VIPR2: variants seen among roughly 807,000 people sequenced by gnomAD.
The protein encoded by VIPR2 is vasoactive intestinal polypeptide receptor 2.
VIPR2 carries 48 observed loss-of-function variants against 58.0 expected under a neutral mutation model. The ratio of observed to expected loss-of-function variants is 0.83; its 90% CI spans 0.66 to 1.05. The LOEUF is 1.05. Ranked by LOEUF, VIPR2 falls within the 50% of genes least tolerant of loss-of-function variation. VIPR2 has a pLI of 0.00. For missense variants in VIPR2, 534 were observed against 558.0 expected, an observed-to-expected ratio of 0.96 and a Z score of 0.43; for synonymous variants, 243 against 235.2, an observed-to-expected ratio of 1.03 and a Z score of -0.30.
At chr7:159,123,087 G>A (rs1364834927) in intron 2 of VIPR2, among the ~76,000 whole-genome samples, 1 of 152,066 alleles carries the variant, frequency 6.6e-6, no homozygotes, top group Non-Finnish European at 1.5e-5. Context: ...GAGGTCAAGA[G>A]ATTGAGACCA....
intron 4 of VIPR2, among the ~76,000 whole-genome samples, chr7:159,063,106 G>C (rs536073454): frequency 6.6e-6 from 1 of 152,226 alleles, no homozygotes; most frequent in Non-Finnish European, 1.5e-5. Context: ...GCACCGGGCC[G>C]CAGGCGGAGC....
chr7:159,092,632 G>A (rs1015245504), intron 4 of VIPR2, among the ~76,000 whole-genome samples: 5 of 149,482 alleles, frequency 3.3e-5, no homozygotes, highest in Non-Finnish European at 7.4e-5. Flanking sequence ...TTGGCAGGAG[G>A]CTGTTTTCTT....
intron 3 of VIPR2, among the ~76,000 whole-genome samples, chr7:159,104,618 C>A (rs1858531413): frequency 6.7e-6 from 1 of 149,768 alleles, no homozygotes; most frequent in South Asian, 2.1e-4. Context: ...CAGTTCCTGG[C>A]AGCACTCTCC....
intron 2 of VIPR2, among the ~76,000 whole-genome samples, chr7:159,110,142 T>G (rs1181850867): frequency 6.6e-6 from 1 of 152,234 alleles, no homozygotes; most frequent in Admixed American, 6.5e-5. Flanking sequence ...ATGTATACCA[T>G]GTACCTTCTG....
intron 4 of VIPR2, among the ~76,000 whole-genome samples, chr7:159,061,148 G>A (rs1308710614): frequency 6.6e-6 from 1 of 152,030 alleles, no homozygotes; most frequent in African/African-American, 2.4e-5. Context: ...CAAATACCAC[G>A]TGTTCTCGTA....
At chr7:159,084,084 C>G (rs568341068) in intron 4 of VIPR2, among the ~76,000 whole-genome samples, 7 of 152,380 alleles carry the variant, frequency 4.6e-5, no homozygotes, top group Non-Finnish European at 1.0e-4. Flanking sequence ...TAATGATGAA[C>G]GTCTTAACCA....
chr7:159,063,144 C>A (rs1254642777), intron 4 of VIPR2, among the ~76,000 whole-genome samples: 2 of 152,208 alleles, frequency 1.3e-5, no homozygotes, highest in Admixed American at 6.5e-5. Context: ...TGCGTGCCCG[C>A]AGCCCTTGGG....
At position 159,093,771 on chromosome 7, in the gene VIPR2, C is replaced by T. The variant is rs996855421; in HGVS notation, c.357+9986G>A. Among the ~76,000 whole-genome samples, 8 of 140,810 alleles carry T rather than the reference C, an allele frequency of 5.7e-5. No individual in the cohort carries two copies. Among genetic ancestry groups the T allele is most frequent in the Non-Finnish European group, 1.3e-4 (8 of 62,358 alleles). 92.4% of individuals were successfully genotyped at this position (140,810 alleles called of 152,430 possible). On this transcript the variant is annotated intron_variant, in intron 4 of 12. Transcript: ENST00000262178. The surrounding 1 kb of genome is among the most constrained non-coding windows in gnomAD (Gnocchi z 6.7). ...CCCTGGGTCCGGAGATGGGAGACCC[C>T]GCAGCGTCCCTGGGTCCGGACAGGG... is the stretch of plus-strand genomic sequence containing the variant.
At chr7:159,138,722 C>T (rs768335526) in intron 2 of VIPR2, among the ~76,000 whole-genome samples, 3 of 152,212 alleles carry the variant, frequency 2.0e-5, no homozygotes, top group Non-Finnish European at 2.9e-5. Flanking sequence ...GGTCTACCCA[C>T]GTGTGGACGT....
intron 4 of VIPR2, among the ~76,000 whole-genome samples, chr7:159,084,093 C>A (rs1857047661): frequency 6.6e-6 from 1 of 152,264 alleles, no homozygotes; most frequent in Admixed American, 6.5e-5. Flanking sequence ...ACGTCTTAAC[C>A]AATGCCACTT....
At chr7:159,069,392 A>G (rs2540350) in intron 4 of VIPR2, among the ~76,000 whole-genome samples, 142,691 of 152,226 alleles carry the variant, frequency 0.94, 66,921 homozygotes, top group East Asian at 1. Context: ...TGTAGGCCCC[A>G]GACAACAATG....
At chr7:159,122,843 T>C (rs1276635318) in intron 2 of VIPR2, among the ~76,000 whole-genome samples, 1 of 152,138 alleles carries the variant, frequency 6.6e-6, no homozygotes, top group Non-Finnish European at 1.5e-5. Context: ...AAAATCTTTT[T>C]TTTAACTTTT....
intron 2 of VIPR2, among the ~76,000 whole-genome samples, chr7:159,137,393 C>T (rs1039113254): frequency 4.6e-5 from 7 of 152,104 alleles, no homozygotes; most frequent in African/African-American, 1.7e-4. Context: ...AAAATAGAGA[C>T]AGCTTCTTGC....
intron 3 of VIPR2, among the ~76,000 whole-genome samples, chr7:159,109,304 A>C (rs1795896430): frequency 6.6e-6 from 1 of 152,238 alleles, no homozygotes. Flanking sequence ...GGAAGCCCAG[A>C]GAAACTGCAA....
chr7:159,034,336 A>T, intron 9 of VIPR2, 32 bp from the exon 10 acceptor site: 2 of 1,605,578 alleles, frequency 1.2e-6, no homozygotes, highest in Non-Finnish European at 1.7e-6. Context: ...TGTGAAACAG[A>T]CACGTGGATC....
intron 2 of VIPR2, among the ~76,000 whole-genome samples, chr7:159,125,964 G>A (rs1442061776): frequency 2.0e-5 from 3 of 152,178 alleles, no homozygotes; most frequent in Non-Finnish European, 4.4e-5. Flanking sequence ...CTGCATTCCA[G>A]GACCTTCTTG....
At chr7:159,085,646 G>A (rs1459653968) in intron 4 of VIPR2, among the ~76,000 whole-genome samples, 3 of 152,106 alleles carry the variant, frequency 2.0e-5, no homozygotes, top group Non-Finnish European at 4.4e-5. Context: ...CGCCAGGATC[G>A]AATCCCATGA....
intron 4 of VIPR2, among the ~76,000 whole-genome samples, chr7:159,078,338 G>A (rs958105575): frequency 1.3e-5 from 2 of 151,882 alleles, no homozygotes. Context: ...CTCACACCAC[G>A]TAGAAGCCTA....
chr7:159,134,739 G>T (rs370560829), intron 2 of VIPR2, among the ~76,000 whole-genome samples: 59 of 151,790 alleles, frequency 3.9e-4, no homozygotes, highest in African/African-American at 1.3e-3. Context: ...CTCACTGCAA[G>T]CTCTGCCTCC....
Sources: allele counts gnomAD v4.1 joint callset (sites outside exome capture counted in the v4.1 genomes callset), GRCh38; gene constraint gnomAD v4.1.1; non-coding constraint Gnocchi (gnomAD v3.1); transcripts MANE v1.5; gene names NCBI Gene and HGNC (gene_info 2026-07-23, HGNC 2026-07-21).